Variants in MACROD2 observed in about 807,000 individuals in gnomAD.
MACROD2 encodes the protein ADP-ribose glycohydrolase MACROD2.
MACROD2 carries 36 observed loss-of-function variants against 70.4 expected under a neutral mutation model. The observed-to-expected ratio is 0.51, with a 90% CI of 0.39 to 0.68. The LOEUF (loss-of-function observed/expected upper bound fraction) is 0.68, where lower values mean the gene tolerates loss of function less well. Ranked by LOEUF, MACROD2 falls within the 30% of genes least tolerant of loss-of-function variation. MACROD2 has a pLI of 0.00. For synonymous variants in MACROD2, 172 were observed against 178.8 expected (o/e 0.96, Z 0.30); for missense variants, 496 against 538.4 (o/e 0.92, Z 0.78).
At chr20:14,207,806 C>T (rs1236305574) in intron 3 of MACROD2, among the ~76,000 whole-genome samples, 1 of 152,176 alleles carries the variant, frequency 6.6e-6, no homozygotes, top group Non-Finnish European at 1.5e-5. Context: ...GTGGGTCATA[C>T]AATTCCAAGG....
chr20:15,136,582 A>G (rs947683492), intron 5 of MACROD2, among the ~76,000 whole-genome samples: 3 of 152,044 alleles, frequency 2.0e-5, no homozygotes, highest in African/African-American at 7.2e-5. Flanking sequence ...TAAAGACTTA[A>G]ATGTTAGACC....
At chr20:15,979,335 A>C (rs889704260) in intron 13 of MACROD2, among the ~76,000 whole-genome samples, 2 of 152,094 alleles carry the variant, frequency 1.3e-5, no homozygotes, top group African/African-American at 4.8e-5. Flanking sequence ...ATGGATCTTA[A>C]GGCTTCTGCT....
chr20:15,225,505 A>G (rs2036351145), intron 5 of MACROD2, among the ~76,000 whole-genome samples: 1 of 152,186 alleles, frequency 6.6e-6, no homozygotes, highest in African/African-American at 2.4e-5. Flanking sequence ...CTAGTAGGTA[A>G]CCACTCTTAT....
At chr20:15,523,241 G>T (rs1011749236) in intron 8 of MACROD2, among the ~76,000 whole-genome samples, 1 of 152,244 alleles carries the variant, frequency 6.6e-6, no homozygotes, top group Non-Finnish European at 1.5e-5. Context: ...AGGGAAGGAC[G>T]TTGCTGTATG....
chr20:15,845,725 T>C (rs1049697089), intron 8 of MACROD2, among the ~76,000 whole-genome samples: 2 of 152,208 alleles, frequency 1.3e-5, no homozygotes, highest in Admixed American at 1.3e-4. Context: ...ATAGCTACCA[T>C]ATTTTCAACA....
intron 2 of MACROD2, among the ~76,000 whole-genome samples, chr20:14,084,699 T>C (rs1301888936): frequency 1.3e-5 from 2 of 152,124 alleles, no homozygotes; most frequent in Non-Finnish European, 2.9e-5. Context: ...TGTTGTGTGT[T>C]GGGGTAGAGC....
At chr20:14,258,858 C>G (rs1167921162) in intron 3 of MACROD2, among the ~76,000 whole-genome samples, 5 of 152,152 alleles carry the variant, frequency 3.3e-5, no homozygotes, top group Admixed American at 6.6e-5. Context: ...AGATTTAAGT[C>G]TTTGATCCAT....
At chr20:15,944,351 A>G (rs2065791221) in intron 12 of MACROD2, among the ~76,000 whole-genome samples, 1 of 152,184 alleles carries the variant, frequency 6.6e-6, no homozygotes, top group Non-Finnish European at 1.5e-5. Context: ...AAATAAGCAT[A>G]TGTAATATAC....
At chr20:14,634,158 C>T (rs761541600) in intron 4 of MACROD2, among the ~76,000 whole-genome samples, 17 of 152,226 alleles carry the variant, frequency 1.1e-4, no homozygotes, top group Non-Finnish European at 1.8e-4. Context: ...AAAGTCTACT[C>T]ACCTTTCAAG....
chr20:16,049,953 TG>T lies in MACROD2; in HGVS notation c.*82del. On this transcript the variant is annotated 3_prime_UTR_variant, in exon 18 of 18. Coordinates refer to ENST00000684519, the MANE Select transcript of MACROD2 (RefSeq NM_001351661.2). ...TAGCAGCACACGCTGTGGAGGAGGG[TG>T]GGGGTGGGGGGAAGGCAAGTCCCAT... 5 of 60,758 alleles carry T rather than the reference TG, an allele frequency of 8.2e-5. No individual in the cohort carries two copies. The highest frequency in any genetic ancestry group is 3.0e-4 in the South Asian group (3 of 10,142). The allele number at this position is 60,758 out of a possible 1,614,324, so 3.8% of individuals were successfully genotyped here. A position where few individuals can be genotyped will look rare whatever the true frequency, so the allele number is the denominator to read the frequency against.
chr20:15,969,147 A>G (rs189723545), intron 13 of MACROD2, among the ~76,000 whole-genome samples: 9 of 152,188 alleles, frequency 5.9e-5, no homozygotes, highest in Non-Finnish European at 8.8e-5. Flanking sequence ...CCCAGCTTCA[A>G]ATCATCTCAA....
chr20:15,907,772 A>G (rs1001945804), intron 10 of MACROD2, among the ~76,000 whole-genome samples: 2 of 152,190 alleles, frequency 1.3e-5, no homozygotes, highest in Non-Finnish European at 2.9e-5. Flanking sequence ...GTTCCTGTGC[A>G]TAGATACAGA....
chr20:14,230,669 C>CTATATATATATATA (rs71190120), intron 3 of MACROD2, among the ~76,000 whole-genome samples: 1 of 92,922 alleles, frequency 1.1e-5, no homozygotes, highest in African/African-American at 5.2e-5. Flanking sequence ...CAGGCTGGGC[C>CTATATATATATATA]TATATATATA....
chr20:14,382,534 G>A (rs2083432236), intron 3 of MACROD2, among the ~76,000 whole-genome samples: 5 of 151,928 alleles, frequency 3.3e-5, no homozygotes, highest in Admixed American at 2.0e-4. Flanking sequence ...GGGGCGTGGT[G>A]GTTCATGCCT....
intron 4 of MACROD2, among the ~76,000 whole-genome samples, chr20:14,570,167 A>G (rs1191963459): frequency 6.6e-6 from 1 of 152,074 alleles, no homozygotes; most frequent in Non-Finnish European, 1.5e-5. Flanking sequence ...TACAGAAAAA[A>G]GGATGAGACA....
At chr20:15,254,425 C>T (rs757325810) in intron 6 of MACROD2, among the ~76,000 whole-genome samples, 1 of 151,998 alleles carries the variant, frequency 6.6e-6, no homozygotes, top group Non-Finnish European at 1.5e-5. Flanking sequence ...CTTAGCAGCA[C>T]GGGGGGAAAG....
chr20:15,035,044 C>G (rs944351760), intron 5 of MACROD2, among the ~76,000 whole-genome samples: 3 of 152,094 alleles, frequency 2.0e-5, no homozygotes, highest in Non-Finnish European at 4.4e-5. Context: ...CTTATATCAG[C>G]AGGATTCAAG....
At chr20:14,719,754 T>C (rs968314559) in intron 5 of MACROD2, among the ~76,000 whole-genome samples, 2 of 152,162 alleles carry the variant, frequency 1.3e-5, no homozygotes, top group Non-Finnish European at 2.9e-5. Context: ...CAGTTGGAAA[T>C]TGTAGTTTAC....
At chr20:15,425,284 G>C (rs2046282854) in intron 6 of MACROD2, among the ~76,000 whole-genome samples, 1 of 152,200 alleles carries the variant, frequency 6.6e-6, no homozygotes, top group African/African-American at 2.4e-5. Flanking sequence ...AGGAAGATGT[G>C]CTTAAAAATT....
Sources: allele counts gnomAD v4.1 joint callset (sites outside exome capture counted in the v4.1 genomes callset), GRCh38; gene constraint gnomAD v4.1.1; transcripts MANE v1.5; gene names NCBI Gene and HGNC (gene_info 2026-07-23, HGNC 2026-07-21).